Variants in AFDN observed in about 807,000 individuals in gnomAD.
The protein encoded by AFDN is afadin.
AFDN carries 68 observed loss-of-function variants against 216.6 expected under a neutral mutation model. That is an observed-to-expected ratio of 0.31 (90% CI 0.26 to 0.38). The LOEUF is 0.38. Among genes scored for constraint, AFDN ranks in the 10% least tolerant of loss-of-function variants. The probability of loss-of-function intolerance (pLI) is 1.00; values close to 1 mark genes in which losing one functional copy is unlikely to be tolerated. For missense variants in AFDN, 2,136 were observed against 2,342.0 expected (o/e 0.91, Z 1.82); for synonymous variants, 868 against 853.7 (o/e 1.02, Z -0.29).
At chr6:167,892,431 G>A (rs1205721342) in intron 8 of AFDN, among the ~76,000 whole-genome samples, 1 of 151,988 alleles carries the variant, frequency 6.6e-6, no homozygotes, top group African/African-American at 2.4e-5. Flanking sequence ...CTCTTTTTTG[G>A]GTATTGGGTC....
chr6:167,855,054 A>G (rs762386582), intron 1 of AFDN, among the ~76,000 whole-genome samples: 1 of 152,042 alleles, frequency 6.6e-6, no homozygotes, highest in African/African-American at 2.4e-5. Context: ...AAACTGTTCA[A>G]TGATGATATT....
chr6:167,877,631 A>G (rs1285590509), intron 5 of AFDN, among the ~76,000 whole-genome samples: 5 of 152,220 alleles, frequency 3.3e-5, no homozygotes, highest in African/African-American at 1.2e-4. Context: ...CAAAAGTATT[A>G]ATGAAGTCCA....
intron 22 of AFDN, chr6:167,923,280 T>G (rs1244623806): frequency 5.8e-6 from 1 of 171,072 alleles, no homozygotes; most frequent in Non-Finnish European, 1.2e-5. Context: ...TTAAAATTCT[T>G]TGGCAGAAAT....
At chr6:167,883,055 G>C (rs1786338799) in intron 6 of AFDN, among the ~76,000 whole-genome samples, 1 of 152,018 alleles carries the variant, frequency 6.6e-6, no homozygotes. Context: ...CCTCCCATGT[G>C]CCCTATCTCA....
At chr6:167,889,785 A>T (rs751703248) in intron 7 of AFDN, among the ~76,000 whole-genome samples, 10 of 152,226 alleles carry the variant, frequency 6.6e-5, no homozygotes, top group Non-Finnish European at 1.5e-4. Context: ...GGTAAATCAC[A>T]CATCTCATTA....
At chr6:167,910,553 A>C (rs568016495) in intron 13 of AFDN, among the ~76,000 whole-genome samples, 2 of 152,182 alleles carry the variant, frequency 1.3e-5, no homozygotes, top group Non-Finnish European at 2.9e-5. Context: ...AGTGAGTAGA[A>C]CATCTCTTTA....
intron 30 of AFDN, among the ~76,000 whole-genome samples, chr6:167,956,081 C>T (rs1796472392): frequency 7.6e-6 from 1 of 132,012 alleles, no homozygotes; most frequent in African/African-American, 2.8e-5. Flanking sequence ...CACCACTGCA[C>T]TCCAGCCTGG....
At chr6:167,890,226 C>T (rs1270688122) in intron 7 of AFDN, among the ~76,000 whole-genome samples, 1 of 152,146 alleles carries the variant, frequency 6.6e-6, no homozygotes, top group Non-Finnish European at 1.5e-5. Context: ...AATTTCTATC[C>T]TCCTTAAAAC....
chr6:167,838,421 T>C (rs1281435144), intron 1 of AFDN, among the ~76,000 whole-genome samples: 2 of 152,226 alleles, frequency 1.3e-5, no homozygotes, highest in Admixed American at 1.3e-4. Context: ...CCCTGGTCTG[T>C]GCTTACAATT....
intron 7 of AFDN, among the ~76,000 whole-genome samples, chr6:167,890,223 A>T (rs967639530): frequency 6.6e-6 from 1 of 152,230 alleles, no homozygotes; most frequent in Non-Finnish European, 1.5e-5. Context: ...GCAAATTTCT[A>T]TCCTCCTTAA....
At chr6:167,872,650 CATT>C (rs1209624664) in intron 4 of AFDN, among the ~76,000 whole-genome samples, 1 of 152,168 alleles carries the variant, frequency 6.6e-6, no homozygotes, top group East Asian at 1.9e-4. Flanking sequence ...CTCTAGTTAA[CATT>C]ATTATTTTTC....
chr6:167,841,112 A>G (rs970592128), intron 1 of AFDN, among the ~76,000 whole-genome samples: 2 of 152,240 alleles, frequency 1.3e-5, no homozygotes, highest in African/African-American at 4.8e-5. Context: ...GAGAGAAAGG[A>G]AAGCATTCCA....
intron 23 of AFDN, among the ~76,000 whole-genome samples, chr6:167,935,934 A>G (rs193270370): frequency 3.2e-4 from 48 of 152,316 alleles, no homozygotes; most frequent in Non-Finnish European, 5.9e-4. Context: ...GAAAATCTAC[A>G]TTATTGGTGC....
intron 1 of AFDN, 130 bp from the exon 2 acceptor site, chr6:167,864,421 C>A: frequency 1.1e-6 from 1 of 879,008 alleles, no homozygotes; most frequent in Non-Finnish European, 1.9e-6. Context: ...CATCTCTCTA[C>A]ATTAGTCTCA....
At chr6:167,889,366 A>T in intron 7 of AFDN, 40 bp downstream of exon 7, 1 of 1,347,230 alleles carries the variant, frequency 7.4e-7, no homozygotes, top group Non-Finnish European at 1.1e-6. Context: ...CCAGATTCCT[A>T]TGTGATATAC....
At chr6:167,871,868 T>A (rs1784836151) in intron 3 of AFDN, among the ~76,000 whole-genome samples, 1 of 152,218 alleles carries the variant, frequency 6.6e-6, no homozygotes, top group Non-Finnish European at 1.5e-5. Context: ...TTACTTGGAG[T>A]TTTATTTACT....
At chr6:167,928,677 G>A (rs1792881411) in intron 23 of AFDN, among the ~76,000 whole-genome samples, 1 of 152,164 alleles carries the variant, frequency 6.6e-6, no homozygotes, top group East Asian at 1.9e-4. Context: ...TGCTTGAATG[G>A]GCTCCACCCG....
chr6:167,827,312 G>A, intron 1 of AFDN, 75 bp downstream of exon 1: 1 of 491,416 alleles, frequency 2.0e-6, no homozygotes, highest in Non-Finnish European at 2.4e-6. Flanking sequence ...CCCCGCCGCC[G>A]CCCGCCAGCC....
intron 30 of AFDN, among the ~76,000 whole-genome samples, chr6:167,955,190 C>T (rs1016814021): frequency 2.6e-5 from 4 of 152,128 alleles, no homozygotes; most frequent in Non-Finnish European, 5.9e-5. Context: ...AAGACAAATT[C>T]TAGTCAACTT....
Sources: gnomAD v4.1 joint callset for allele counts (sites outside exome capture counted in the v4.1 genomes callset) on GRCh38, gnomAD v4.1.1 for gene constraint, MANE v1.5 for transcripts, NCBI Gene and HGNC (gene_info 2026-07-23, HGNC 2026-07-21) for gene names.